DGCR8: variants seen among roughly 807,000 people sequenced by gnomAD.
DGCR8 encodes microprocessor complex subunit DGCR8.
Under a neutral mutation model 78.5 loss-of-function variants are expected in DGCR8, and 14 were observed. The observed-to-expected ratio is 0.18, with a 90% CI of 0.12 to 0.28. DGCR8 has a LOEUF of 0.28. Ranked by LOEUF, DGCR8 falls within the 10% of genes least tolerant of loss-of-function variation. The pLI, the probability that DGCR8 is intolerant of heterozygous loss-of-function variation, is 1.00. For missense variants in DGCR8, 702 were observed against 1,022.5 expected (o/e 0.69, Z 4.28); for synonymous variants, 399 against 402.4 (o/e 0.99, Z 0.10).
Position 20,111,569 on chromosome 22 carries a change from C to T in DGCR8, c.*1461C>T. 1 of 397,448 alleles carries T rather than the reference C, an allele frequency of 2.5e-6. No individual in the cohort carries two copies. Among genetic ancestry groups the T allele is most frequent in the Non-Finnish European group, 4.4e-6 (1 of 225,878 alleles). 24.6% of individuals were successfully genotyped at this position (397,448 alleles called of 1,614,324 possible). A position where few individuals can be genotyped will look rare whatever the true frequency, so the allele number is the denominator to read the frequency against. On this transcript the variant is annotated 3_prime_UTR_variant, in exon 14 of 14. Coordinates refer to ENST00000351989, the MANE Select transcript of DGCR8 (RefSeq NM_022720.7). ...ATAGTCATTTGACTGTGACTGTTGC[C>T]CTTAGCCAGCCAGATGCGCCTGTGA...
At position 20,086,872 on chromosome 22, in the gene DGCR8, A is replaced by G. The variant is rs1030884824; in HGVS notation, c.720+189A>G. On this transcript the variant is annotated intron_variant, in intron 2 of 13. Coordinates refer to ENST00000351989, the MANE Select transcript of DGCR8 (RefSeq NM_022720.7). The surrounding 1 kb of genome is among the most constrained non-coding windows in gnomAD (Gnocchi z 6.4). Reference sequence around the variant, plus strand: ...GGAGTCCAGATTTTTAAAGTTTCCTAATGAAAAGTTTGGCCCATGGGTAGG... The same window carrying G: ...GGAGTCCAGATTTTTAAAGTTTCCTGATGAAAAGTTTGGCCCATGGGTAGG... The G allele has an allele frequency of 1.2e-6, 1 of 864,594 alleles. No individual in the cohort carries two copies. The highest frequency in any genetic ancestry group is 1.7e-6 in the Non-Finnish European group (1 of 584,874). 53.6% of individuals were successfully genotyped at this position (864,594 alleles called of 1,614,324 possible). A position where few individuals can be genotyped will look rare whatever the true frequency, so the allele number is the denominator to read the frequency against.
intron 8 of DGCR8, 147 bp from the exon 9 acceptor site, chr22:20,094,566 C>G: frequency 2.8e-6 from 2 of 714,996 alleles, no homozygotes; most frequent in Non-Finnish European, 4.9e-6. Context: ...CTCTCCTGAC[C>G]CTGTCACTGA....
chr22:20,104,594 C>G lies in DGCR8; in HGVS notation c.1789-1583C>G, dbSNP rs2049748363. 2.0e-5 allele frequency among the ~76,000 whole-genome samples: 3 copies of G among 152,172 alleles called. No individual in the cohort carries two copies. The South Asian group carries it at 6.2e-4, about 31-fold the overall frequency. ...TGTGGGTTCTTGTGGGCCGACAGCA[C>G]TGGACGTTGCTAATTGGTTGGCTGG... On this transcript the variant is annotated intron_variant, in intron 9 of 13. Coordinates refer to ENST00000351989, the MANE Select transcript of DGCR8 (RefSeq NM_022720.7).
intron 9 of DGCR8, among the ~76,000 whole-genome samples, chr22:20,102,466 G>A (rs2049715124): frequency 6.6e-6 from 1 of 152,222 alleles, no homozygotes; most frequent in Admixed American, 6.5e-5. Context: ...ACACTGACAG[G>A]TTTCTGGGTT....
At chr22:20,093,123 C>T (rs540559444) in intron 8 of DGCR8, among the ~76,000 whole-genome samples, 11 of 152,116 alleles carry the variant, frequency 7.2e-5, no homozygotes, top group Non-Finnish European at 1.2e-4. Context: ...TAGAAGGCCT[C>T]GGCCGGGCGT....
chr22:20,107,204 G>A (rs541794812), intron 11 of DGCR8, 67 bp from the exon 12 acceptor site: 26 of 1,602,292 alleles, frequency 1.6e-5, no homozygotes, highest in South Asian at 3.3e-5. Context: ...GGCTGGGAGC[G>A]GCAGGGGGCC....
chr22:20,102,993 G>A (rs1045991328), intron 9 of DGCR8, among the ~76,000 whole-genome samples: 1 of 152,096 alleles, frequency 6.6e-6, no homozygotes, highest in Non-Finnish European at 1.5e-5. Flanking sequence ...TTAGGTGGGC[G>A]TGGTGGCGGG....
At position 20,110,389 on chromosome 22, in the gene DGCR8, C is replaced by A. The variant is rs918095428; in HGVS notation, c.*281C>A. ...CTGGTGACTGTGGACAGTGGTGGAC[C>A]CTGCTTCTGTGCACCTGCTGCAGGC... On this transcript the variant is annotated 3_prime_UTR_variant, in exon 14 of 14. Coordinates refer to ENST00000351989, the MANE Select transcript of DGCR8 (RefSeq NM_022720.7). 3 of 421,690 alleles carry A rather than the reference C, an allele frequency of 7.1e-6. No individual in the cohort carries two copies. The highest frequency in any genetic ancestry group is 4.1e-5 in the African/African-American group (2 of 49,306). The allele number at this position is 421,690 out of a possible 1,614,324, so 26.1% of individuals were successfully genotyped here.
intron 9 of DGCR8, among the ~76,000 whole-genome samples, chr22:20,098,884 C>T (rs761203228): frequency 3.2e-4 from 48 of 152,204 alleles, no homozygotes; most frequent in Admixed American, 6.5e-5. Context: ...AATACTGTTG[C>T]ATTCTGAGGG....
In DGCR8 at chr22:20,086,477, G is replaced by T. The variant is rs555922599; in HGVS notation, c.514G>T (p.Val172Leu). The part of the protein sequence containing the change: ...CPFGGSVGDG[V>L]GIGGESADKK... ...CTTTGGCGGGAGTGTTGGTGACGGG[G>T]TAGGCATAGGGGGTGAGAGTGCTGA... Residue 172 changes from valine (V) to leucine (L), a missense_variant, in exon 2 of 14, where the codon GTA becomes TTA. Physicochemically the swap from Val to Leu is conservative, Grantham distance 32. Around this residue, in one of 4 missense-constraint regions of DGCR8, gnomAD observed 356 missense variants for 448.9 expected, o/e 0.79. Coordinates refer to ENST00000351989, the MANE Select transcript of DGCR8 (RefSeq NM_022720.7). This position sits in a 1 kb window ranked among gnomAD's most constrained non-coding sequence, Gnocchi z 6.4. The T allele has an allele frequency of 3.1e-6, 5 of 1,613,934 alleles. No homozygotes were observed. Among genetic ancestry groups the T allele is most frequent in the African/African-American group, 1.3e-5 (1 of 74,916 alleles).
Position 20,085,085 on chromosome 22 carries a change from T to C in DGCR8, c.-277-602T>C, listed in dbSNP as rs1417648209. 29 of 954,614 alleles carry C rather than the reference T, an allele frequency of 3.0e-5. No individual in the cohort carries two copies. The highest frequency in any genetic ancestry group is 3.6e-5 in the Non-Finnish European group (29 of 803,650). 59.1% of individuals were successfully genotyped at this position (954,614 alleles called of 1,614,324 possible). A position where few individuals can be genotyped will look rare whatever the true frequency, so the allele number is the denominator to read the frequency against. ...CCCTCTCCTCCATCGGGAACAGAAC[T>C]ATGCTGCCACCTCTGGTGACCTCAG... is the stretch of plus-strand genomic sequence containing the variant. On this transcript the variant is annotated intron_variant, in intron 1 of 13. Coordinates refer to ENST00000351989, the MANE Select transcript of DGCR8 (RefSeq NM_022720.7). The surrounding 1 kb of genome is among the most constrained non-coding windows in gnomAD (Gnocchi z 6.2).
rs760524859 is a variant in DGCR8 at position 20,087,327 on chromosome 22, T to A, written c.880+6T>A. On this transcript the variant is annotated splice_donor_region_variant and intron_variant, in intron 3 of 13. Transcript: ENST00000351989. This position sits in a 1 kb window ranked among gnomAD's most constrained non-coding sequence, Gnocchi z 4.1. ...GATTAAAACAGTGCTCAAAAGTACGTGTGTGGGTCAGAAGCAGTGGGTGTT... is the reference window on the plus strand; with the variant it reads ...GATTAAAACAGTGCTCAAAAGTACGAGTGTGGGTCAGAAGCAGTGGGTGTT... 6.3e-7 allele frequency: 1 copy of A among 1,597,256 alleles called. No homozygotes were observed. The highest frequency in any genetic ancestry group is 1.7e-5 in the Admixed American group (1 of 59,210).
Position 20,085,404 on chromosome 22 carries a change from T to A in DGCR8, c.-277-283T>A, listed in dbSNP as rs1035206224. Among the ~76,000 whole-genome samples the A allele has an allele frequency of 7.9e-5, 12 of 152,312 alleles. No individual in the cohort carries two copies. The highest frequency in any genetic ancestry group is 2.9e-4 in the African/African-American group (12 of 41,564). ...TGCTGTGGTGGAGTTTAGTGTAAAT[T>A]TTTAAAATATTTTTTGAGCCTTATG... On this transcript the variant is annotated intron_variant, in intron 1 of 13. Transcript: ENST00000351989. This position sits in a 1 kb window ranked among gnomAD's most constrained non-coding sequence, Gnocchi z 6.2.
chr22:20,109,941 C>CTGGGCTCTCCCTCCACCTT, intron 13 of DGCR8, 84 bp from the exon 14 acceptor site: 1 of 1,354,304 alleles, frequency 7.4e-7, no homozygotes, highest in Non-Finnish European at 1.0e-6. Flanking sequence ...GCATGATCTG[C>CTGGGCTCTCCCTCCACCTT]TGGGCTCTCC....
chr22:20,103,679 G>T (rs1005456221), intron 9 of DGCR8, among the ~76,000 whole-genome samples: 4 of 152,166 alleles, frequency 2.6e-5, no homozygotes, highest in African/African-American at 9.7e-5. Context: ...GTGGGAAGTA[G>T]CCCTCCTCCT....
chr22:20,086,155 G>A lies in DGCR8; in HGVS notation c.192G>A (p.Glu64=). ...ATGGACAGTCCGAACTCCCTGCTGA[G>A]GACCCCTTCAACTTCTACGGAGCTT... is the stretch of plus-strand genomic sequence containing the variant. ...GGDGQSELPA[E]DPFNFYGASL... The change falls in exon 2 of 14, where the codon GAG becomes GAA. Residue 64 remains glutamate, a synonymous_variant. Coordinates refer to ENST00000351989, the MANE Select transcript of DGCR8 (RefSeq NM_022720.7). The surrounding 1 kb of genome is among the most constrained non-coding windows in gnomAD (Gnocchi z 6.4). The A allele has an allele frequency of 1.9e-6, 3 of 1,614,148 alleles. No individual in the cohort carries two copies. Among genetic ancestry groups the A allele is most frequent in the Non-Finnish European group, 2.5e-6 (3 of 1,180,030 alleles).
intron 12 of DGCR8, chr22:20,107,622 G>A (rs1324355077): frequency 1.8e-6 from 1 of 569,586 alleles, no homozygotes; most frequent in Admixed American, 3.1e-5. Flanking sequence ...GGGTGATTGG[G>A]AACGCAGGCT....
intron 1 of DGCR8, among the ~76,000 whole-genome samples, chr22:20,082,405 T>C (rs2049428917): frequency 6.6e-6 from 1 of 151,600 alleles, no homozygotes; most frequent in Middle Eastern, 3.4e-3. Flanking sequence ...CTCGCTTTGT[T>C]GCTCAGGCTG....
intron 8 of DGCR8, among the ~76,000 whole-genome samples, chr22:20,093,491 G>A (rs574620610): frequency 6.6e-6 from 1 of 152,328 alleles, no homozygotes; most frequent in Admixed American, 6.5e-5. Context: ...ATATTCAGGG[G>A]TGTGCCTAGA....
Sources: gnomAD v4.1 joint callset for allele counts (sites outside exome capture counted in the v4.1 genomes callset) on GRCh38, gnomAD v4.1.1 for gene constraint, gnomAD v4.1.1 regional missense constraint, Gnocchi (gnomAD v3.1) non-coding constraint, MANE v1.5 for transcripts, NCBI Gene and HGNC (gene_info 2026-07-23, HGNC 2026-07-21) for gene names.